Variants in RPS6KC1 observed in about 807,000 individuals in gnomAD.
The protein encoded by RPS6KC1 is ribosomal protein S6 kinase C1.
In RPS6KC1, 54 loss-of-function variants were observed where a neutral mutation model predicts 103.8. The ratio of observed to expected loss-of-function variants is 0.52; its 90% CI spans 0.42 to 0.65. RPS6KC1 has a LOEUF of 0.65. Ranked by LOEUF, RPS6KC1 falls within the 30% of genes least tolerant of loss-of-function variation. The pLI is 0.00. For synonymous variants in RPS6KC1, 439 were observed against 438.7 expected, an observed-to-expected ratio of 1.00 and a Z score of -0.01; for missense variants, 1,151 against 1,253.8, an observed-to-expected ratio of 0.92 and a Z score of 1.24.
At chr1:213,130,709 A>T (rs2085505173) in intron 6 of RPS6KC1, among the ~76,000 whole-genome samples, 1 of 152,128 alleles carries the variant, frequency 6.6e-6, no homozygotes, top group African/African-American at 2.4e-5. Context: ...TCTGGAGTAT[A>T]AACTTTCAGT....
the RPS6KC1 span, among the ~76,000 whole-genome samples, chr1:213,355,948 G>A: frequency 1.3e-5 from 2 of 152,162 alleles, no homozygotes; most frequent in African/African-American, 4.8e-5. Context: ...TGTAAGACAG[G>A]TACCTATGTC....
At chr1:213,510,970 C>T in the RPS6KC1 span, among the ~76,000 whole-genome samples, 256 of 152,076 alleles carry the variant, frequency 1.7e-3, no homozygotes, top group Non-Finnish European at 2.9e-3. Context: ...GCTTAGTACT[C>T]GGGGAAGGAA....
the RPS6KC1 span, among the ~76,000 whole-genome samples, chr1:213,337,114 A>C: frequency 1.3e-5 from 2 of 152,266 alleles, no homozygotes; most frequent in South Asian, 4.1e-4. Flanking sequence ...CCAGTAATTT[A>C]ATTTGTGTTC....
At chr1:213,699,138 C>G in the RPS6KC1 span, among the ~76,000 whole-genome samples, 1 of 151,950 alleles carries the variant, frequency 6.6e-6, no homozygotes, top group Non-Finnish European at 1.5e-5. Flanking sequence ...TATCAAACAT[C>G]GGGTCTTATA....
chr1:213,310,422 C>T, the RPS6KC1 span, among the ~76,000 whole-genome samples: 3 of 152,298 alleles, frequency 2.0e-5, no homozygotes, highest in Non-Finnish European at 2.9e-5. Context: ...TAGCACGCTT[C>T]CTGCTCATGG....
At chr1:213,804,781 G>T in the RPS6KC1 span, among the ~76,000 whole-genome samples, 1 of 152,200 alleles carries the variant, frequency 6.6e-6, no homozygotes, top group Admixed American at 6.5e-5. Flanking sequence ...AATAAATAGA[G>T]ATTGAATGAA....
the RPS6KC1 span, among the ~76,000 whole-genome samples, chr1:213,595,654 T>C: frequency 2.0e-5 from 3 of 152,224 alleles, no homozygotes; most frequent in South Asian, 6.2e-4. Flanking sequence ...AATTCGTGCC[T>C]TGTTTAGGAC....
At chr1:213,599,066 T>C in the RPS6KC1 span, among the ~76,000 whole-genome samples, 2 of 152,192 alleles carry the variant, frequency 1.3e-5, no homozygotes, top group African/African-American at 2.4e-5. Context: ...ATTATTGTGA[T>C]TTCCCAAATT....
the RPS6KC1 span, among the ~76,000 whole-genome samples, chr1:213,682,066 A>G: frequency 2.6e-5 from 4 of 152,214 alleles, no homozygotes; most frequent in Non-Finnish European, 5.9e-5. Flanking sequence ...TGTTCCTGCC[A>G]TAGAGGGACC....
chr1:213,358,425 G>A, the RPS6KC1 span, among the ~76,000 whole-genome samples: 34 of 152,220 alleles, frequency 2.2e-4, no homozygotes, highest in Non-Finnish European at 4.7e-4. Context: ...TTGCATAGAG[G>A]TGTTTATAGT....
intron 8 of RPS6KC1, among the ~76,000 whole-genome samples, chr1:213,188,137 C>T (rs2092608062): frequency 6.6e-6 from 1 of 152,136 alleles, no homozygotes; most frequent in African/African-American, 2.4e-5. Flanking sequence ...ATAGTCCCAC[C>T]TCCTGTCTTT....
chr1:213,066,229 A>G (rs2078318750), intron 1 of RPS6KC1, among the ~76,000 whole-genome samples: 1 of 152,248 alleles, frequency 6.6e-6, no homozygotes, highest in Non-Finnish European at 1.5e-5. Context: ...TGTTCACAGA[A>G]TACCAGGGGG....
At chr1:213,317,488 A>T in the RPS6KC1 span, among the ~76,000 whole-genome samples, 1 of 152,350 alleles carries the variant, frequency 6.6e-6, no homozygotes, top group South Asian at 2.1e-4. Flanking sequence ...AAATCCTATC[A>T]GTGATCCTAT....
At chr1:213,237,824 C>T (rs2094257541) in intron 10 of RPS6KC1, among the ~76,000 whole-genome samples, 1 of 152,010 alleles carries the variant, frequency 6.6e-6, no homozygotes, top group Admixed American at 6.6e-5. Context: ...AGAAAAGTAT[C>T]ATTTACAGTC....
chr1:213,450,394 G>A, the RPS6KC1 span, among the ~76,000 whole-genome samples: 2 of 149,780 alleles, frequency 1.3e-5, no homozygotes, highest in Admixed American at 6.7e-5. Context: ...CCGCAAATTA[G>A]CACCATTGGG....
intron 9 of RPS6KC1, 97 bp from the exon 10 acceptor site, chr1:213,232,026 A>T: frequency 6.8e-7 from 1 of 1,465,450 alleles, no homozygotes; most frequent in Non-Finnish European, 9.4e-7. Flanking sequence ...AGTAACTCGG[A>T]TAGATTAGTT....
chr1:213,197,832 T>A (rs1259871418), intron 8 of RPS6KC1, among the ~76,000 whole-genome samples: 2 of 152,214 alleles, frequency 1.3e-5, no homozygotes, highest in African/African-American at 4.8e-5. Context: ...TTCCTTAAAT[T>A]TATGTGCGTC....
chr1:213,498,776 T>C, the RPS6KC1 span, among the ~76,000 whole-genome samples: 128 of 133,364 alleles, frequency 9.6e-4, 1 homozygote, highest in Middle Eastern at 5.4e-3. Context: ...TCTAAGATTT[T>C]TTTTTTTTTT....
intron 1 of RPS6KC1, among the ~76,000 whole-genome samples, chr1:213,052,783 C>T (rs1381393282): frequency 6.6e-6 from 1 of 152,126 alleles, no homozygotes; most frequent in East Asian, 1.9e-4. Context: ...CTCAGTTGAT[C>T]CGCCTGCCTC....
Sources: gnomAD v4.1 joint callset for allele counts (sites outside exome capture counted in the v4.1 genomes callset) on GRCh38, gnomAD v4.1.1 for gene constraint, MANE v1.5 for transcripts, NCBI Gene and HGNC (gene_info 2026-07-23, HGNC 2026-07-21) for gene names.